DLC1: variants seen among roughly 807,000 people sequenced by gnomAD.
DLC1 encodes the protein rho GTPase-activating protein 7.
DLC1 carries 54 observed loss-of-function variants against 140.3 expected under a neutral mutation model. That is an observed-to-expected ratio of 0.38 (90% CI 0.31 to 0.48). The LOEUF is 0.48. DLC1 is among the 20% of genes least tolerant of loss of function. The pLI, the probability that DLC1 is intolerant of heterozygous loss-of-function variation, is 0.96. For synonymous variants in DLC1, 986 were observed against 728.1 expected (o/e 1.35, Z -5.70); for missense variants, 2,536 against 1,907.0 (o/e 1.33, Z -6.14).
Position 13,175,531 on chromosome 8 carries a change from TG to T in DLC1, c.1349-59875del, listed in dbSNP as rs573922632. 1.6e-3 allele frequency among the ~76,000 whole-genome samples: 249 copies of T among 152,278 alleles called. 1 individual carries two copies. Among genetic ancestry groups the T allele is most frequent in the African/African-American group, 5.1e-3 (211 of 41,564 alleles). The stretch of plus-strand genomic sequence containing the variant: ...TCTGTCTGTGCTCTCATTTCTGTCT[TG>T]TTTTTTAAACACATATTTTAAAATT... On this transcript the variant is annotated intron_variant, in intron 5 of 17. Coordinates refer to ENST00000276297, the MANE Select transcript of DLC1 (RefSeq NM_182643.3).
Position 13,098,555 on chromosome 8 carries a change from C to T in DLC1, c.3011G>A (p.Ser1004Asn). 1 of 1,614,128 alleles carries T rather than the reference C, an allele frequency of 6.2e-7. No homozygotes were observed. Among genetic ancestry groups the T allele is most frequent in the Non-Finnish European group, 8.5e-7 (1 of 1,179,990 alleles). Residue 1004 changes from serine to asparagine, a missense_variant, in exon 10 of 18, where the codon AGT becomes AAT. By Grantham distance (46) the Ser-to-Asn change is conservative. Coordinates refer to ENST00000276297, the MANE Select transcript of DLC1 (RefSeq NM_182643.3). ...GCTTGGCCGATGTGAGCTCTGGAAA[C>T]TGTGCCATCTCAGTCGGTGCCTGCG... ...RSNRHRLRWH[S>N]FQSSHRPSLN... is the part of the protein sequence containing the mutation.
At chr8:13,431,354 G>A (rs1038860484) in intron 2 of DLC1, among the ~76,000 whole-genome samples, 1 of 151,410 alleles carries the variant, frequency 6.6e-6, no homozygotes, top group South Asian at 2.1e-4. Context: ...GAGGTGACGG[G>A]TGCCTGTAGT....
chr8:13,568,538 G>T (rs768651246), intron 1 of DLC1, among the ~76,000 whole-genome samples: 38 of 152,220 alleles, frequency 2.5e-4, no homozygotes, highest in Non-Finnish European at 4.4e-4. Flanking sequence ...GGGGATCAAT[G>T]GCATATAGCT....
chr8:13,383,912 C>T (rs1195299606), intron 4 of DLC1, among the ~76,000 whole-genome samples: 1 of 152,184 alleles, frequency 6.6e-6, no homozygotes, highest in Non-Finnish European at 1.5e-5. Context: ...ACGAAAGACC[C>T]ATACAACTAA....
chr8:13,260,871 A>G (rs1253547104), intron 5 of DLC1, among the ~76,000 whole-genome samples: 1 of 152,216 alleles, frequency 6.6e-6, no homozygotes. Flanking sequence ...TTTGCCTCAA[A>G]TTCCCAATAT....
At chr8:13,191,370 G>A (rs1390834608) in intron 5 of DLC1, among the ~76,000 whole-genome samples, 2 of 152,158 alleles carry the variant, frequency 1.3e-5, no homozygotes, top group African/African-American at 2.4e-5. Context: ...AACCAGGCGT[G>A]GTGGCCTGGG....
intron 5 of DLC1, among the ~76,000 whole-genome samples, chr8:13,119,733 T>C (rs1820876659): frequency 6.6e-6 from 1 of 151,994 alleles, no homozygotes. Flanking sequence ...GGGAGTATCA[T>C]TTGAGGCCAG....
intron 1 of DLC1, among the ~76,000 whole-genome samples, chr8:13,557,456 T>A (rs949102237): frequency 1.3e-5 from 2 of 152,150 alleles, no homozygotes; most frequent in Non-Finnish European, 2.9e-5. Context: ...TGATATGGTT[T>A]GGCTCTTTGT....
chr8:13,296,625 A>T (rs985567898), intron 5 of DLC1, among the ~76,000 whole-genome samples: 3 of 152,164 alleles, frequency 2.0e-5, no homozygotes, highest in African/African-American at 7.2e-5. Context: ...TACCAAATAA[A>T]CAGATTGATT....
At chr8:13,583,375 G>A (rs1366664010) in intron 1 of DLC1, among the ~76,000 whole-genome samples, 3 of 152,110 alleles carry the variant, frequency 2.0e-5, no homozygotes. Flanking sequence ...CGCTTTCTTT[G>A]CTCATCCATA....
At chr8:13,416,537 G>A (rs1665046328) in intron 2 of DLC1, among the ~76,000 whole-genome samples, 1 of 152,138 alleles carries the variant, frequency 6.6e-6, no homozygotes, top group South Asian at 2.1e-4. Flanking sequence ...GGAAGTGGAA[G>A]CAGAGAGATT....
chr8:13,186,182 T>G (rs2117000708), intron 5 of DLC1, among the ~76,000 whole-genome samples: 1 of 152,290 alleles, frequency 6.6e-6, no homozygotes, highest in Non-Finnish European at 1.5e-5. Flanking sequence ...TTCCTGAAAT[T>G]GAATGTTGGC....
At position 13,165,509 on chromosome 8, in the gene DLC1, G is replaced by A. The variant is rs138242725; in HGVS notation, c.1349-49852C>T. 3.3e-3 allele frequency among the ~76,000 whole-genome samples: 502 copies of A among 152,316 alleles called. 1 individual carries two copies. The highest frequency in any genetic ancestry group is 4.5e-3 in the Non-Finnish European group (303 of 68,044). On this transcript the variant is annotated intron_variant, in intron 5 of 17. Coordinates refer to ENST00000276297, the MANE Select transcript of DLC1 (RefSeq NM_182643.3). ...AGTTGCAACAGTCACCTCATGGTCC[G>A]TACTTTCACGCTCTGTTCCATCTCT...
chr8:13,602,528 G>A (rs188125516), intron 1 of DLC1, among the ~76,000 whole-genome samples: 57 of 151,696 alleles, frequency 3.8e-4, no homozygotes, highest in Admixed American at 3.3e-3. Flanking sequence ...TGATGTCTAG[G>A]GTTTACATCA....
rs866066915 is a variant in DLC1, at chr8:13,171,889, G to T, written c.1349-56232C>A. 2.6e-5 allele frequency among the ~76,000 whole-genome samples: 4 copies of T among 152,258 alleles called. No individual in the cohort carries two copies. In the East Asian group the frequency reaches 5.8e-4, roughly 22 times the overall value. ...TGGAGGGAGAAGGGAAGAGAGGTTT[G>T]GTTCTAAAGTGAATTCCAAATGAAT... On this transcript the variant is annotated intron_variant, in intron 5 of 17. Transcript: ENST00000276297.
intron 1 of DLC1, among the ~76,000 whole-genome samples, chr8:13,591,899 C>G (rs1330740160): frequency 1.3e-5 from 2 of 152,018 alleles, no homozygotes; most frequent in Admixed American, 1.3e-4. Context: ...AGAGAGAAAC[C>G]TATGGTTTTT....
At chr8:13,448,193 C>T (rs1798873809) in intron 2 of DLC1, among the ~76,000 whole-genome samples, 1 of 152,044 alleles carries the variant, frequency 6.6e-6, no homozygotes, top group African/African-American at 2.4e-5. Flanking sequence ...TTGTTCTGTT[C>T]ATGGGATGTC....
chr8:13,102,891 A>G (rs888458254), intron 7 of DLC1, 38 bp from the exon 8 acceptor site: 16 of 1,575,008 alleles, frequency 1.0e-5, no homozygotes, highest in Non-Finnish European at 1.1e-5. Context: ...AAGATAGGCA[A>G]CCACTCTCTA....
intron 2 of DLC1, among the ~76,000 whole-genome samples, chr8:13,479,367 CA>C (rs532754090): frequency 2.0e-5 from 3 of 151,674 alleles, no homozygotes; most frequent in African/African-American, 7.3e-5. Context: ...AGCAAAAATA[CA>C]AAAAAAGGTC....
Sources: gnomAD v4.1 joint callset for allele counts (sites outside exome capture counted in the v4.1 genomes callset) on GRCh38, gnomAD v4.1.1 for gene constraint, MANE v1.5 for transcripts, NCBI Gene and HGNC (gene_info 2026-07-23, HGNC 2026-07-21) for gene names.